The following TRMT1L variants were observed in gnomAD, a reference collection of about 807,000 sequenced individuals.
TRMT1L encodes the protein tRNA methyltransferase 1L.
Under a neutral mutation model 81.6 loss-of-function variants are expected in TRMT1L, and 28 were observed. The ratio of observed to expected loss-of-function variants is 0.34; its 90% CI spans 0.25 to 0.47. The LOEUF (loss-of-function observed/expected upper bound fraction) is 0.47. Ranked by LOEUF, TRMT1L falls within the 20% of genes least tolerant of loss-of-function variation. TRMT1L has a pLI of 1.00. For missense variants in TRMT1L, 739 were observed against 877.1 expected, an observed-to-expected ratio of 0.84 and a Z score of 1.99; for synonymous variants, 301 against 303.2, an observed-to-expected ratio of 0.99 and a Z score of 0.07.
intron 11 of TRMT1L, among the ~76,000 whole-genome samples, chr1:185,127,042 C>T (rs1053595643): frequency 6.6e-6 from 1 of 152,140 alleles, no homozygotes; most frequent in Admixed American, 6.5e-5. Flanking sequence ...AGTCAGAAAA[C>T]CTAAGTTCTA....
intron 10 of TRMT1L, among the ~76,000 whole-genome samples, chr1:185,130,476 A>C (rs1319787623): frequency 3.3e-5 from 5 of 152,220 alleles, no homozygotes; most frequent in African/African-American, 1.2e-4. Context: ...CAGACCAGAA[A>C]AATCTAAAGC....
intron 10 of TRMT1L, among the ~76,000 whole-genome samples, chr1:185,136,761 A>G (rs908340569): frequency 6.6e-6 from 1 of 152,206 alleles, no homozygotes; most frequent in Non-Finnish European, 1.5e-5. Context: ...GTGTATGAAG[A>G]AATATCCAAC....
At chr1:185,129,371 C>T (rs928655742) in intron 10 of TRMT1L, among the ~76,000 whole-genome samples, 12 of 152,110 alleles carry the variant, frequency 7.9e-5, no homozygotes, top group African/African-American at 2.9e-4. Context: ...AAAATGTAGG[C>T]TAGAAGAATC....
In TRMT1L at chr1:185,150,363, G is replaced by C. The variant is rs1339252507; in HGVS notation, c.460+16C>G. ...TTTCATATATATTACTTCTTTGCAA[G>C]CACAAAAATACTAACCTTCAAATTC... On this transcript the variant is annotated intron_variant, in intron 3 of 14. Transcript: ENST00000367506. 3 of 1,571,300 alleles carry C rather than the reference G, an allele frequency of 1.9e-6. No homozygotes were observed. Among genetic ancestry groups the C allele is most frequent in the Admixed American group, 3.4e-5 (2 of 58,148 alleles).
intron 10 of TRMT1L, among the ~76,000 whole-genome samples, 191 bp from the exon 11 acceptor site, chr1:185,128,938 A>G (rs1332612681): frequency 1.3e-5 from 2 of 152,182 alleles, no homozygotes; most frequent in Non-Finnish European, 1.5e-5. Context: ...ATACACACAT[A>G]TATGTGCACA....
At chr1:185,153,982 C>G (rs553691448) in intron 1 of TRMT1L, among the ~76,000 whole-genome samples, 35 of 152,332 alleles carry the variant, frequency 2.3e-4, no homozygotes, top group African/African-American at 7.7e-4. Flanking sequence ...AAATAATCAA[C>G]AGAAGACAAG....
chr1:185,126,603 T>C (rs1162743187), intron 11 of TRMT1L, among the ~76,000 whole-genome samples: 4 of 152,198 alleles, frequency 2.6e-5, no homozygotes, highest in African/African-American at 9.7e-5. Context: ...AGAGATTATA[T>C]TGGGTTGAGG....
At chr1:185,151,391 G>A (rs1260265186) in intron 2 of TRMT1L, among the ~76,000 whole-genome samples, 6 of 152,126 alleles carry the variant, frequency 3.9e-5, no homozygotes, top group Admixed American at 3.3e-4. Context: ...GCGATCTTGA[G>A]GATACAAACC....
intron 11 of TRMT1L, among the ~76,000 whole-genome samples, chr1:185,127,859 A>T (rs1652671032): frequency 6.6e-6 from 1 of 152,076 alleles, no homozygotes. Flanking sequence ...CACACCTGTA[A>T]TCCTAGTACT....
intron 3 of TRMT1L, among the ~76,000 whole-genome samples, chr1:185,149,197 A>G (rs909976977): frequency 6.6e-6 from 1 of 152,142 alleles, no homozygotes; most frequent in Non-Finnish European, 1.5e-5. Context: ...TGTATATACC[A>G]TAATTTATTC....
intron 7 of TRMT1L, 55 bp from the exon 8 acceptor site, chr1:185,140,277 A>G (rs1653003284): frequency 1.5e-6 from 2 of 1,363,776 alleles, no homozygotes; most frequent in African/African-American, 1.5e-5. Context: ...TTTAAAGAAT[A>G]AAAATGGTAT....
At position 185,124,941 on chromosome 1, in the gene TRMT1L, C is replaced by T; in HGVS notation, c.1759+3G>A. On this transcript the variant is annotated splice_donor_region_variant and intron_variant, in intron 12 of 14. Transcript: ENST00000367506. ...GCTAGTAAGCTAGCGTTCAGTTAGT[C>T]ACCTTGCTTGTTGACATTTGAAGAT... 6.2e-7 allele frequency: 1 copy of T among 1,607,830 alleles called. No homozygotes were observed. The highest frequency in any genetic ancestry group is 8.5e-7 in the Non-Finnish European group (1 of 1,176,610).
rs372543236 is a variant in TRMT1L at position 185,147,170 on chromosome 1, A to G, written c.525+12T>C. 1.1e-5 allele frequency: 18 copies of G among 1,584,244 alleles called. No homozygotes were observed. Among genetic ancestry groups the G allele is most frequent in the African/African-American group, 4.1e-5 (3 of 73,884 alleles). On this transcript the variant is annotated intron_variant, in intron 4 of 14. Transcript: ENST00000367506. The stretch of plus-strand genomic sequence containing the variant: ...CTAAATTTAAAAATAAAAAAATCTA[A>G]TATCTGATCACCTGTTCTCCAATAA...
At chr1:185,147,150 T>G (rs1170538733) in intron 4 of TRMT1L, 32 bp downstream of exon 4, 1 of 1,514,552 alleles carries the variant, frequency 6.6e-7, no homozygotes. Flanking sequence ...AAGGACTAAA[T>G]TTAAAAATAA....
rs1652469332 is a variant in TRMT1L, at chr1:185,120,362, G to T, written c.1949+21C>A. ...TTAAAATATAAAATATATATACTTT[G>T]TCATTCACTGGGTGTCTTACTTTGG... On this transcript the variant is annotated intron_variant, in intron 14 of 14. Coordinates refer to ENST00000367506, the MANE Select transcript of TRMT1L (RefSeq NM_030934.5). The T allele has an allele frequency of 1.1e-5, 16 of 1,512,480 alleles. No homozygotes were observed. The East Asian group carries it at 3.8e-4, about 36-fold the overall frequency. 93.7% of individuals were successfully genotyped at this position (1,512,480 alleles called of 1,614,324 possible). A position where few individuals can be genotyped will look rare whatever the true frequency, so the allele number is the denominator to read the frequency against.
chr1:185,151,555 G>T (rs1488838997), intron 2 of TRMT1L, among the ~76,000 whole-genome samples: 1 of 152,072 alleles, frequency 6.6e-6, no homozygotes, highest in Non-Finnish European at 1.5e-5. Flanking sequence ...TCTGTTACTT[G>T]TAGCCAAATG....
rs751612882 is a variant in TRMT1L, at chr1:185,143,952, G to A, written c.733C>T (p.Pro245Ser). ...TTAAAATAGGAATCTGTTTTCTGAG[G>A]TATAGAATAGTTGGGACAAACTTGT... ...DVQVCPNYSI[P>S]QKTDSYFNPK... The change falls in exon 6 of 15, where the codon CCT (proline) becomes TCT (serine). Residue 245 changes from proline to serine, a missense_variant. Pro to Ser is a moderately conservative substitution (Grantham distance 74, BLOSUM62 -1). Transcript: ENST00000367506. 3.7e-6 allele frequency: 6 copies of A among 1,609,988 alleles called. No individual in the cohort carries two copies. Among genetic ancestry groups the A allele is most frequent in the South Asian group, 1.1e-5 (1 of 90,714 alleles).
chr1:185,138,130 T>C (rs1652946460), intron 9 of TRMT1L, among the ~76,000 whole-genome samples: 1 of 152,196 alleles, frequency 6.6e-6, no homozygotes, highest in Non-Finnish European at 1.5e-5. Context: ...CTATTTTATT[T>C]CCTATAAAAG....
Position 185,120,039 on chromosome 1 carries a change from T to C in TRMT1L, c.2182A>G (p.Ser728Gly), listed in dbSNP as rs368015762. ...EMSVNDKAEA[S>G]GCRRW ...TACGTTTACCATCTTCTGCAGCCAC[T>C]TGCTTCTGCTTTGTCATTCACTGAC... The change falls in exon 15 of 15, where the codon AGT becomes GGT. Residue 728 changes from serine (S) to glycine (G), a missense_variant. Transcript: ENST00000367506. The C allele has an allele frequency of 4.2e-5, 68 of 1,613,756 alleles. No individual in the cohort carries two copies. The Middle Eastern group carries it at 6.6e-4, about 16-fold the overall frequency.
Sources: allele counts gnomAD v4.1 joint callset (sites outside exome capture counted in the v4.1 genomes callset), GRCh38; gene constraint gnomAD v4.1.1; transcripts MANE v1.5; gene names NCBI Gene and HGNC (gene_info 2026-07-23, HGNC 2026-07-21).